Variants in ATF7 observed in about 807,000 individuals in gnomAD.
ATF7 encodes cyclic AMP-dependent transcription factor ATF-7.
In ATF7, 10 loss-of-function variants were observed where a neutral mutation model predicts 50.4. The observed-to-expected ratio is 0.20, with a 90% confidence interval of 0.12 to 0.34. The LOEUF (loss-of-function observed/expected upper bound fraction) is 0.34. Among genes scored for constraint, ATF7 ranks in the 10% least tolerant of loss-of-function variants. The pLI is 1.00. For missense variants in ATF7, 465 were observed against 613.9 expected (o/e 0.76, Z 2.56); for synonymous variants, 201 against 226.4 (o/e 0.89, Z 1.01).
chr12:53,565,699 G>T (rs1941411627), intron 2 of ATF7, among the ~76,000 whole-genome samples: 1 of 151,996 alleles, frequency 6.6e-6, no homozygotes, highest in South Asian at 2.1e-4. Context: ...CACCATATTG[G>T]CCAGGCTGGT....
rs974712816 is a variant in ATF7, at chr12:53,593,754, C to T, written c.48+7199G>A. ...AAATAAATCTATGACAAGTTTTCCCCAGTAAAACGCCAGAAGACTTTACTA... is the reference window on the plus strand; with the variant it reads ...AAATAAATCTATGACAAGTTTTCCCTAGTAAAACGCCAGAAGACTTTACTA... On this transcript the variant is annotated intron_variant, in intron 2 of 11. Transcript: ENST00000420353. Among the ~76,000 whole-genome samples the T allele has an allele frequency of 3.3e-5, 5 of 152,292 alleles. 1 individual carries two copies. Among genetic ancestry groups the T allele is most frequent in the Admixed American group, 3.3e-4 (5 of 15,286 alleles).
At chr12:53,590,950 T>C (rs753539418) in intron 2 of ATF7, among the ~76,000 whole-genome samples, 8 of 152,204 alleles carry the variant, frequency 5.3e-5, no homozygotes, top group Non-Finnish European at 8.8e-5. Flanking sequence ...TTATAGTAGA[T>C]ACATATTATT....
intron 2 of ATF7, chr12:53,575,532 C>T (rs889479500): frequency 2.0e-5 from 3 of 148,700 alleles, no homozygotes; most frequent in African/African-American, 7.5e-5. Context: ...GCCAAGATGG[C>T]ACCACTGCAC....
intron 1 of ATF7, among the ~76,000 whole-genome samples, chr12:53,618,950 G>C (rs759386484): frequency 1.7e-4 from 26 of 151,620 alleles, no homozygotes; most frequent in Non-Finnish European, 3.7e-4. Context: ...TACTTGGGAG[G>C]CTGAGGCATG....
chr12:53,579,551 C>CAA (rs532383571), intron 2 of ATF7, among the ~76,000 whole-genome samples: 23 of 60,572 alleles, frequency 3.8e-4, no homozygotes, highest in African/African-American at 6.2e-4. Flanking sequence ...AACTCCGTCT[C>CAA]AAAAAAAAAA....
chr12:53,537,702 C>T, intron 4 of ATF7, 150 bp from the exon 5 acceptor site: 1 of 945,590 alleles, frequency 1.1e-6, no homozygotes, highest in Non-Finnish European at 1.5e-6. Context: ...AAATGTGGGC[C>T]CCTTATGTTT....
At chr12:53,537,076 C>CT (rs1192462164) in intron 5 of ATF7, among the ~76,000 whole-genome samples, 14 of 149,496 alleles carry the variant, frequency 9.4e-5, no homozygotes, top group East Asian at 5.9e-4. Context: ...ATAATACATA[C>CT]TTTTTTTTTT....
rs560001445 is a variant in ATF7 at position 53,575,208 on chromosome 12, G to C, written c.49-22571C>G. On this transcript the variant is annotated intron_variant, in intron 2 of 11. Transcript: ENST00000420353. ...GGATCACCTGAGGTTGAGAGTTCGAGACCAGCCTGACCAACATGGAGAAAC... is the reference window on the plus strand; with the variant it reads ...GGATCACCTGAGGTTGAGAGTTCGACACCAGCCTGACCAACATGGAGAAAC... Among the ~76,000 whole-genome samples, 183 of 151,366 alleles carry C rather than the reference G, an allele frequency of 1.2e-3. 1 individual carries two copies. The South Asian group carries it at 0.014, about 12-fold the overall frequency.
At chr12:53,604,209 G>A (rs1305751140) in intron 1 of ATF7, among the ~76,000 whole-genome samples, 4 of 152,150 alleles carry the variant, frequency 2.6e-5, no homozygotes, top group African/African-American at 9.7e-5. Flanking sequence ...GCATAAAAAA[G>A]CTGTCCTAGA....
At chr12:53,547,752 T>C (rs550316135) in intron 3 of ATF7, among the ~76,000 whole-genome samples, 273 of 20,956 alleles carry the variant, frequency 0.013, 2 homozygotes, top group Non-Finnish European at 0.024. Context: ...TAATTTTATG[T>C]ATGTATGTAT....
chr12:53,523,223 A>G, intron 11 of ATF7, 53 bp downstream of exon 11: 1 of 1,265,554 alleles, frequency 7.9e-7, no homozygotes, highest in Non-Finnish European at 1.2e-6. Flanking sequence ...TGAGACACTC[A>G]GTACATGCAG....
At chr12:53,568,188 C>T (rs1468554368) in intron 2 of ATF7, among the ~76,000 whole-genome samples, 1 of 152,132 alleles carries the variant, frequency 6.6e-6, no homozygotes, top group Non-Finnish European at 1.5e-5. Flanking sequence ...CAGAGTAGAG[C>T]ACATACAAGT....
chr12:53,530,574 T>A (rs1028602978), intron 9 of ATF7, among the ~76,000 whole-genome samples: 10 of 151,816 alleles, frequency 6.6e-5, no homozygotes, highest in East Asian at 5.8e-4. Context: ...TTATATTTTT[T>A]TATTTTTATT....
chr12:53,538,335 G>A (rs759340023), intron 4 of ATF7, among the ~76,000 whole-genome samples: 12 of 152,148 alleles, frequency 7.9e-5, no homozygotes, highest in Admixed American at 3.3e-4. Flanking sequence ...AAACCAGATA[G>A]GAAAGGTATT....
intron 2 of ATF7, among the ~76,000 whole-genome samples, chr12:53,587,839 ATATATTT>A (rs1345009128): frequency 4.4e-4 from 28 of 62,990 alleles, no homozygotes; most frequent in Admixed American, 1.0e-3. Flanking sequence ...ATATATATAT[ATATATTT>A]TTTTTTTTTT....
intron 1 of ATF7, among the ~76,000 whole-genome samples, chr12:53,602,142 A>G (rs931827385): frequency 6.6e-6 from 1 of 152,228 alleles, no homozygotes; most frequent in Non-Finnish European, 1.5e-5. Context: ...AAATAGTCTT[A>G]TAAACTCCTA....
intron 2 of ATF7, among the ~76,000 whole-genome samples, chr12:53,565,905 A>G (rs150157062): frequency 0.043 from 6,565 of 152,238 alleles, 404 homozygotes; most frequent in African/African-American, 0.13. Flanking sequence ...TTTATAAAGG[A>G]AAGAGGTTTT....
intron 2 of ATF7, among the ~76,000 whole-genome samples, chr12:53,570,156 T>G (rs1054744787): frequency 6.6e-6 from 1 of 152,190 alleles, no homozygotes; most frequent in South Asian, 2.1e-4. Context: ...TACAAAGGAT[T>G]TGTGTGCACT....
intron 2 of ATF7, among the ~76,000 whole-genome samples, chr12:53,565,038 T>C (rs550232094): frequency 6.6e-6 from 1 of 152,308 alleles, no homozygotes; most frequent in South Asian, 2.1e-4. Flanking sequence ...ACTATTCCTC[T>C]AAGTACCTAA....
Sources: allele counts gnomAD v4.1 joint callset (sites outside exome capture counted in the v4.1 genomes callset), GRCh38; gene constraint gnomAD v4.1.1; transcripts MANE v1.5; gene names NCBI Gene and HGNC (gene_info 2026-07-23, HGNC 2026-07-21).